The following RAB3C variants were observed in gnomAD, a reference collection of about 807,000 sequenced individuals.
RAB3C encodes the protein RAB3C, member RAS oncogene family, also known as ras-related protein Rab-3C.
In RAB3C, 17 loss-of-function variants were observed where a neutral mutation model predicts 26.4. The ratio of observed to expected loss-of-function variants is 0.64; its 90% CI spans 0.44 to 0.97. The LOEUF is 0.97. Among genes scored for constraint, RAB3C ranks in the 50% least tolerant of loss-of-function variants. The pLI is 0.00. For missense variants in RAB3C, 242 were observed against 281.9 expected (o/e 0.86, Z 1.01); for synonymous variants, 91 against 95.9 (o/e 0.95, Z 0.30).
intron 3 of RAB3C, among the ~76,000 whole-genome samples, chr5:58,727,042 C>T (rs75078447): frequency 0.023 from 3,498 of 152,024 alleles, 130 homozygotes; most frequent in African/African-American, 0.08. Flanking sequence ...GAAGAAATAC[C>T]GCACTTTAAC....
intron 3 of RAB3C, among the ~76,000 whole-genome samples, chr5:58,804,774 C>A (rs185557747): frequency 2.1e-4 from 32 of 151,836 alleles, no homozygotes; most frequent in African/African-American, 7.5e-4. Flanking sequence ...TCCTTTCTTG[C>A]AAAAAGAACA....
chr5:58,722,954 A>G (rs976801567), intron 2 of RAB3C, among the ~76,000 whole-genome samples: 6 of 151,892 alleles, frequency 4.0e-5, no homozygotes, highest in South Asian at 2.1e-4. Flanking sequence ...GCAACATTGC[A>G]TTGTTATGGC....
At chr5:58,678,275 T>G (rs9283719) in intron 2 of RAB3C, among the ~76,000 whole-genome samples, 9 of 152,010 alleles carry the variant, frequency 5.9e-5, no homozygotes, top group Non-Finnish European at 2.9e-5. Flanking sequence ...ATGAAACTTA[T>G]GTAGGTCCAT....
rs189962225 is a variant in RAB3C, at chr5:58,652,464, C to A, written c.252+34594C>A. 1.7e-3 allele frequency among the ~76,000 whole-genome samples: 259 copies of A among 148,174 alleles called. 1 individual carries two copies. The highest frequency in any genetic ancestry group is 2.7e-3 in the Non-Finnish European group (179 of 66,806). On this transcript the variant is annotated intron_variant, in intron 2 of 4. Coordinates refer to ENST00000282878, the MANE Select transcript of RAB3C (RefSeq NM_138453.4). Reference sequence around the variant, plus strand: ...TGTAATGAGTTATATTTTTTCTTTTCTCCATTGTCTACTATAAAGATGAAA... The same window carrying A: ...TGTAATGAGTTATATTTTTTCTTTTATCCATTGTCTACTATAAAGATGAAA...
At chr5:58,582,245 T>G (rs1402293153), upstream of RAB3C, 3 of 191,158 alleles carry the variant, frequency 1.6e-5, no homozygotes, top group Non-Finnish European at 2.9e-5. Context: ...AAATCAGCTG[T>G]CTTCTCCACA....
intron 2 of RAB3C, among the ~76,000 whole-genome samples, chr5:58,626,941 G>A (rs1235665316): frequency 6.6e-6 from 1 of 152,060 alleles, no homozygotes; most frequent in East Asian, 1.9e-4. Flanking sequence ...ATATCTTCTG[G>A]ATTGCTCTCT....
At chr5:58,702,043 T>G (rs1372514243) in intron 2 of RAB3C, among the ~76,000 whole-genome samples, 2 of 152,222 alleles carry the variant, frequency 1.3e-5, no homozygotes, top group African/African-American at 4.8e-5. Context: ...TTTTCCTGCA[T>G]GGAGCACTCA....
intron 4 of RAB3C, among the ~76,000 whole-genome samples, chr5:58,830,291 G>C (rs186206510): frequency 6.6e-6 from 1 of 152,258 alleles, no homozygotes; most frequent in Non-Finnish European, 1.5e-5. Flanking sequence ...ATTATCTCTG[G>C]AAGTGGAAGG....
At chr5:58,718,479 T>C (rs959741466) in intron 2 of RAB3C, among the ~76,000 whole-genome samples, 1 of 152,046 alleles carries the variant, frequency 6.6e-6, no homozygotes, top group African/African-American at 2.4e-5. Flanking sequence ...CCAGGAAAGA[T>C]GAATTGCCAT....
Position 58,810,363 on chromosome 5 carries a change from TG to T in RAB3C, c.372-14674del, listed in dbSNP as rs1426432482. On this transcript the variant is annotated intron_variant, in intron 3 of 4. Transcript: ENST00000282878. Reference sequence around the variant, plus strand: ...TCTACTGGTACAAAAGTACTCTGTGTGCTCTCTCTCTCTCTCTCTCTCTGTG... The same window carrying T: ...TCTACTGGTACAAAAGTACTCTGTGTCTCTCTCTCTCTCTCTCTCTCTGTG... 2.9e-3 allele frequency among the ~76,000 whole-genome samples: 201 copies of T among 69,186 alleles called. 1 individual carries two copies. Among genetic ancestry groups the T allele is most frequent in the Non-Finnish European group, 6.0e-3 (164 of 27,328 alleles). The allele number at this position is 69,186 out of a possible 152,430, so 45.4% of individuals were successfully genotyped here.
chr5:58,754,839 G>C (rs58120478), intron 3 of RAB3C, among the ~76,000 whole-genome samples: 1 of 151,832 alleles, frequency 6.6e-6, no homozygotes, highest in South Asian at 2.1e-4. Context: ...CCACCTCCAC[G>C]GCTTCAGCAT....
At chr5:58,624,638 G>A (rs1747014323) in intron 2 of RAB3C, among the ~76,000 whole-genome samples, 1 of 152,174 alleles carries the variant, frequency 6.6e-6, no homozygotes, top group South Asian at 2.1e-4. Flanking sequence ...AAATTTACCT[G>A]TGATTCTATA....
Position 58,765,440 on chromosome 5 carries a change from G to A in RAB3C, c.371+39320G>A, listed in dbSNP as rs966546006. On this transcript the variant is annotated intron_variant, in intron 3 of 4. Transcript: ENST00000282878. ...TTGCCTATTTATGAAAATAAAACTCGCTCATTTTAGAAATGTAACAAACGC... is the reference window on the plus strand; with the variant it reads ...TTGCCTATTTATGAAAATAAAACTCACTCATTTTAGAAATGTAACAAACGC... Among the ~76,000 whole-genome samples, 6 of 152,070 alleles carry A rather than the reference G, an allele frequency of 3.9e-5. No individual in the cohort carries two copies. In the Middle Eastern group the frequency reaches 0.01, roughly 259 times the overall value.
At chr5:58,792,380 T>G (rs543844698) in intron 3 of RAB3C, among the ~76,000 whole-genome samples, 4 of 152,254 alleles carry the variant, frequency 2.6e-5, no homozygotes, top group African/African-American at 7.2e-5. Context: ...TAATGGGGAT[T>G]ACTCATAGGC....
intron 2 of RAB3C, among the ~76,000 whole-genome samples, chr5:58,716,402 A>T (rs49960): frequency 6.6e-6 from 1 of 151,996 alleles, no homozygotes; most frequent in South Asian, 2.1e-4. Flanking sequence ...TCACTATTCA[A>T]CCTAATATTC....
At chr5:58,795,741 C>T (rs1226875606) in intron 3 of RAB3C, among the ~76,000 whole-genome samples, 3 of 152,052 alleles carry the variant, frequency 2.0e-5, no homozygotes, top group Non-Finnish European at 4.4e-5. Flanking sequence ...GCAGCACACT[C>T]ACTCACTGGG....
chr5:58,705,503 T>C (rs1748926110), intron 2 of RAB3C, among the ~76,000 whole-genome samples: 1 of 152,206 alleles, frequency 6.6e-6, no homozygotes, highest in Non-Finnish European at 1.5e-5. Context: ...TTGGATTTGC[T>C]ATTTATTAGG....
chr5:58,596,600 TTA>T (rs1189797143), intron 1 of RAB3C, among the ~76,000 whole-genome samples: 1 of 114,110 alleles, frequency 8.8e-6, no homozygotes, highest in East Asian at 2.4e-4. Flanking sequence ...ACATAATATA[TTA>T]TATATAAATA....
At chr5:58,589,678 T>C (rs934809569) in intron 1 of RAB3C, among the ~76,000 whole-genome samples, 6 of 152,214 alleles carry the variant, frequency 3.9e-5, no homozygotes, top group Admixed American at 6.5e-5. Flanking sequence ...AAATTCTCCA[T>C]GGCCTAACCC....
Sources: allele counts gnomAD v4.1 joint callset (sites outside exome capture counted in the v4.1 genomes callset), GRCh38; gene constraint gnomAD v4.1.1; transcripts MANE v1.5; gene names NCBI Gene and HGNC (gene_info 2026-07-23, HGNC 2026-07-21).